RAB27B: variants seen among roughly 807,000 people sequenced by gnomAD.
The protein encoded by RAB27B is ras-related protein Rab-27B.
RAB27B carries 15 observed loss-of-function variants against 24.6 expected under a neutral mutation model. The ratio of observed to expected loss-of-function variants is 0.61; its 90% CI spans 0.41 to 0.94. RAB27B has a LOEUF of 0.94. RAB27B is among the 40% of genes least tolerant of loss of function. The pLI, the probability that RAB27B is intolerant of heterozygous loss-of-function variation, is 0.00. For synonymous variants in RAB27B, 105 were observed against 92.5 expected, an observed-to-expected ratio of 1.14 and a Z score of -0.78; for missense variants, 261 against 266.8, an observed-to-expected ratio of 0.98 and a Z score of 0.15.
At chr18:54,821,037 A>C (rs1166590080) in intron 2 of RAB27B, among the ~76,000 whole-genome samples, 1 of 152,118 alleles carries the variant, frequency 6.6e-6, no homozygotes, top group African/African-American at 2.4e-5. Flanking sequence ...GAAAGTCATT[A>C]GTAGCTTGAT....
At chr18:54,724,467 T>C (rs1335616513) in intron 2 of RAB27B, among the ~76,000 whole-genome samples, 4 of 151,518 alleles carry the variant, frequency 2.6e-5, no homozygotes, top group Admixed American at 2.6e-4. Context: ...CTCATGCCTG[T>C]AATCCCAGCG....
chr18:54,825,437 G>C (rs9962851), upstream of RAB27B, among the ~76,000 whole-genome samples: 83,010 of 151,920 alleles, frequency 0.55, 23,285 homozygotes, highest in African/African-American at 0.65. Context: ...ATAGAAAGAA[G>C]TCTTTTCTAG....
intron 2 of RAB27B, among the ~76,000 whole-genome samples, chr18:54,879,061 G>A (rs1019757313): frequency 6.6e-6 from 1 of 152,154 alleles, no homozygotes; most frequent in African/African-American, 2.4e-5. Flanking sequence ...GAGGTTAAAT[G>A]AAGAGTTTGT....
chr18:54,854,164 G>A (rs1344462440), intron 1 of RAB27B, among the ~76,000 whole-genome samples: 4 of 152,126 alleles, frequency 2.6e-5, no homozygotes, highest in East Asian at 1.9e-4. Flanking sequence ...TTCAACAAAC[G>A]TGGGCTGAGA....
rs141991541 is a variant in RAB27B, at chr18:54,763,788, A to G, written c.-20+45647A>G. Among the ~76,000 whole-genome samples, 451 of 152,262 alleles carry G rather than the reference A, an allele frequency of 3.0e-3. 6 individuals carry two copies. The highest frequency in any genetic ancestry group is 0.029 in the South Asian group (138 of 4,810). On this transcript the variant is annotated intron_variant, in intron 2 of 4. Coordinates refer to the RAB27B transcript ENST00000586570. The stretch of plus-strand genomic sequence containing the variant: ...TGGGCACATCCATTTTAAGTACTAA[A>G]GTCCCACACTCAATTCAGGACTCCA...
intron 1 of RAB27B, among the ~76,000 whole-genome samples, chr18:54,857,677 C>T (rs1223481270): frequency 6.6e-6 from 1 of 152,156 alleles, no homozygotes; most frequent in African/African-American, 2.4e-5. Flanking sequence ...TGTATGCTCA[C>T]GTGTTCATGT....
chr18:54,841,653 A>C (rs1911125550), intron 1 of RAB27B, among the ~76,000 whole-genome samples: 1 of 152,204 alleles, frequency 6.6e-6, no homozygotes, highest in South Asian at 2.1e-4. Flanking sequence ...AAATTTAGCC[A>C]ACTACCAGGA....
chr18:54,780,155 TTTG>T (rs1908857787), intron 2 of RAB27B, among the ~76,000 whole-genome samples: 1 of 129,734 alleles, frequency 7.7e-6, no homozygotes, highest in African/African-American at 3.0e-5. Context: ...CTGTCTCCCC[TTTG>T]CTGACTGCTT....
intron 1 of RAB27B, among the ~76,000 whole-genome samples, chr18:54,844,489 C>A (rs1474866534): frequency 1.4e-5 from 2 of 145,374 alleles, no homozygotes; most frequent in African/African-American, 5.2e-5. Context: ...ACTGCAAAAA[C>A]TCCACCTCCC....
At chr18:54,777,628 T>C (rs34603578) in intron 2 of RAB27B, among the ~76,000 whole-genome samples, 24,934 of 152,246 alleles carry the variant, frequency 0.16, 2,139 homozygotes, top group African/African-American at 0.2. Context: ...AAGTAAATTA[T>C]CTGTACTCTC....
At chr18:54,765,581 C>T (rs924383743) in intron 2 of RAB27B, among the ~76,000 whole-genome samples, 6 of 152,112 alleles carry the variant, frequency 3.9e-5, no homozygotes, top group Admixed American at 2.0e-4. Flanking sequence ...TCATTTGTAC[C>T]TTATGGAGAC....
At chr18:54,804,892 C>CTT (rs1555657997) in intron 2 of RAB27B, among the ~76,000 whole-genome samples, 3 of 47,888 alleles carry the variant, frequency 6.3e-5, no homozygotes, top group African/African-American at 1.3e-4. Flanking sequence ...TTCTTTCTTT[C>CTT]TCTTTCTCTC....
intron 1 of RAB27B, among the ~76,000 whole-genome samples, chr18:54,861,385 T>C (rs555368432): frequency 6.6e-6 from 1 of 152,330 alleles, no homozygotes; most frequent in East Asian, 1.9e-4. Flanking sequence ...CACATAACTC[T>C]ACAGAGAAAA....
chr18:54,861,823 T>C (rs929241665), intron 1 of RAB27B, among the ~76,000 whole-genome samples: 1 of 152,168 alleles, frequency 6.6e-6, no homozygotes, highest in Non-Finnish European at 1.5e-5. Flanking sequence ...AAAACCCATT[T>C]TCCTGTCTTG....
chr18:54,829,234 T>C (rs1320713850), intron 1 of RAB27B, among the ~76,000 whole-genome samples: 2 of 152,184 alleles, frequency 1.3e-5, no homozygotes, highest in African/African-American at 2.4e-5. Context: ...ATCTAAGTGT[T>C]GCACCAACTA....
chr18:54,779,819 A>G (rs1376921306), intron 2 of RAB27B, among the ~76,000 whole-genome samples: 2 of 152,184 alleles, frequency 1.3e-5, no homozygotes, highest in African/African-American at 2.4e-5. Flanking sequence ...TGGAGGCTGG[A>G]AATCCAAGGC....
chr18:54,719,861 A>T (rs1909304267), intron 2 of RAB27B, among the ~76,000 whole-genome samples: 1 of 152,122 alleles, frequency 6.6e-6, no homozygotes, highest in Admixed American at 6.5e-5. Context: ...CCCATCATAT[A>T]ATGATTTGCA....
At chr18:54,759,328 T>G (rs1908106995) in intron 2 of RAB27B, among the ~76,000 whole-genome samples, 1 of 152,268 alleles carries the variant, frequency 6.6e-6, no homozygotes. Context: ...GGTATTTCTC[T>G]TATTAAATTT....
chr18:54,774,881 C>T (rs2145078143), intron 2 of RAB27B, among the ~76,000 whole-genome samples: 1 of 152,332 alleles, frequency 6.6e-6, no homozygotes, highest in East Asian at 1.9e-4. Context: ...CTCACGGGAT[C>T]AGAGGCTGCT....
Sources: gnomAD v4.1 joint callset for allele counts (sites outside exome capture counted in the v4.1 genomes callset) on GRCh38, gnomAD v4.1.1 for gene constraint, MANE v1.5 for transcripts, NCBI Gene and HGNC (gene_info 2026-07-23, HGNC 2026-07-21) for gene names.